The following PPM1L variants were observed in gnomAD, a reference collection of about 807,000 sequenced individuals.
PPM1L encodes protein phosphatase, Mg2+/Mn2+ dependent 1L.
A neutral mutation model predicts 31.4 loss-of-function variants in PPM1L; 13 were observed. The ratio of observed to expected loss-of-function variants is 0.41; its 90% CI spans 0.27 to 0.66. PPM1L has a LOEUF of 0.66. Among genes scored for constraint, PPM1L ranks in the 30% least tolerant of loss-of-function variants. PPM1L has a pLI of 0.29. For synonymous variants in PPM1L, 184 were observed against 175.4 expected, an observed-to-expected ratio of 1.05 and a Z score of -0.39; for missense variants, 326 against 453.7, an observed-to-expected ratio of 0.72 and a Z score of 2.56.
At position 161,068,076 on chromosome 3, in the gene PPM1L, T is replaced by C. The variant is rs769838872; in HGVS notation, c.737-735T>C. ...GTATTTAGTAAATATCTGACAAATA[T>C]GTGGATGAAGAAAAAAATAATAGAT... On this transcript the variant is annotated intron_variant, in intron 3 of 3. Transcript: ENST00000498165. 1.4e-3 allele frequency among the ~76,000 whole-genome samples: 220 copies of C among 152,232 alleles called. 4 individuals are homozygous for C. The highest frequency in any genetic ancestry group is 5.6e-4 in the Non-Finnish European group (38 of 68,038).
intron 1 of PPM1L, among the ~76,000 whole-genome samples, chr3:160,864,446 G>A (rs895448643): frequency 6.6e-6 from 1 of 152,136 alleles, no homozygotes; most frequent in Non-Finnish European, 1.5e-5. Context: ...CCAAATGCTG[G>A]GATTACAGGG....
chr3:160,818,501 A>C (rs1263026293), intron 1 of PPM1L, among the ~76,000 whole-genome samples: 1 of 152,010 alleles, frequency 6.6e-6, no homozygotes, highest in Non-Finnish European at 1.5e-5. Flanking sequence ...TAGCACTTCT[A>C]GTACATCAAA....
intron 2 of PPM1L, among the ~76,000 whole-genome samples, chr3:160,990,176 T>A (rs942152352): frequency 2.6e-5 from 4 of 151,842 alleles, no homozygotes; most frequent in Non-Finnish European, 5.9e-5. Flanking sequence ...TTTTTGTTTG[T>A]TTTTTGTAAA....
intron 1 of PPM1L, among the ~76,000 whole-genome samples, chr3:160,851,613 T>A (rs1711528291): frequency 2.0e-5 from 3 of 152,170 alleles, no homozygotes; most frequent in Non-Finnish European, 4.4e-5. Flanking sequence ...TTATTGAACA[T>A]CTAACATGAA....
intron 1 of PPM1L, among the ~76,000 whole-genome samples, chr3:160,861,223 A>G (rs558538029): frequency 3.3e-5 from 5 of 152,328 alleles, no homozygotes; most frequent in African/African-American, 1.2e-4. Flanking sequence ...AAAGAGTACA[A>G]TGGAAGTTGT....
intron 2 of PPM1L, among the ~76,000 whole-genome samples, chr3:161,017,126 C>T (rs1718109183): frequency 6.6e-6 from 1 of 152,010 alleles, no homozygotes; most frequent in Non-Finnish European, 1.5e-5. Flanking sequence ...AGAGATGATT[C>T]ATAGTCTTCT....
chr3:160,839,497 A>G (rs112427931), intron 1 of PPM1L, among the ~76,000 whole-genome samples: 20 of 152,172 alleles, frequency 1.3e-4, no homozygotes, highest in Non-Finnish European at 2.6e-4. Context: ...CATCATTATT[A>G]TGGATACATC....
chr3:160,776,270 C>G lies in PPM1L; in HGVS notation c.399+19563C>G, dbSNP rs74795662. Among the ~76,000 whole-genome samples the G allele has an allele frequency of 6.0e-3, 916 of 152,192 alleles. 6 individuals carry two copies. Among genetic ancestry groups the G allele is most frequent in the African/African-American group, 0.021 (867 of 41,532 alleles). On this transcript the variant is annotated intron_variant, in intron 1 of 3. Coordinates refer to ENST00000498165, the MANE Select transcript of PPM1L (RefSeq NM_139245.4). ...AGTTCTTAACAAGTAACAGCAACAG[C>G]TACTTCTTAACTCCTTCATCCATGG...
rs574166386 is a variant in PPM1L at position 161,005,002 on chromosome 3, A to G, written c.574+43092A>G. On this transcript the variant is annotated intron_variant, in intron 2 of 3. Transcript: ENST00000498165. Reference sequence around the variant, plus strand: ...TAGTGCTATAAATTTCCCTCTACACACTGCTTTGAATGCGTCCCAGAGATT... The same window carrying G: ...TAGTGCTATAAATTTCCCTCTACACGCTGCTTTGAATGCGTCCCAGAGATT... Among the ~76,000 whole-genome samples the G allele has an allele frequency of 6.6e-5, 10 of 152,182 alleles. No individual in the cohort carries two copies. In the East Asian group the frequency reaches 1.4e-3, roughly 21 times the overall value.
Position 161,073,563 on chromosome 3 carries a change from T to TC in PPM1L, c.*4413dup, listed in dbSNP as rs372205550. 4,353 of 147,772 alleles carry TC rather than the reference T, an allele frequency of 0.029. 206 individuals carry two copies. The highest frequency in any genetic ancestry group is 0.098 in the African/African-American group (3,897 of 39,946). 9.2% of individuals were successfully genotyped at this position (147,772 alleles called of 1,614,324 possible). Reference sequence around the variant, plus strand: ...ATCCTACTTAAAGCTCTAAACATCATCCCCCCCTTTTTTTTTTTAACGGAA... The same window carrying TC: ...ATCCTACTTAAAGCTCTAAACATCATCCCCCCCCTTTTTTTTTTTAACGGAA... On this transcript the variant is annotated 3_prime_UTR_variant, in exon 4 of 4. Transcript: ENST00000498165.
chr3:160,913,587 C>T (rs1714045912), intron 1 of PPM1L, among the ~76,000 whole-genome samples: 1 of 152,172 alleles, frequency 6.6e-6, no homozygotes, highest in Admixed American at 6.5e-5. Context: ...CAGGCAATCA[C>T]TGCCCTCTGT....
chr3:160,982,758 G>C (rs1244120366), intron 2 of PPM1L, among the ~76,000 whole-genome samples: 1 of 152,068 alleles, frequency 6.6e-6, no homozygotes, highest in African/African-American at 2.4e-5. Flanking sequence ...TTCCCTTACT[G>C]TGGTCATCTA....
intron 1 of PPM1L, among the ~76,000 whole-genome samples, chr3:160,801,063 C>T (rs1328978210): frequency 1.3e-5 from 2 of 149,966 alleles, no homozygotes; most frequent in South Asian, 2.1e-4. Context: ...TTTGAGAAAA[C>T]GTAGATATAT....
At chr3:160,801,553 C>G (rs1366066007) in intron 1 of PPM1L, among the ~76,000 whole-genome samples, 1 of 152,272 alleles carries the variant, frequency 6.6e-6, no homozygotes, top group South Asian at 2.1e-4. Context: ...TATGTTTGTT[C>G]CCATGTGCCA....
At chr3:160,996,841 T>C (rs1482033505) in intron 2 of PPM1L, among the ~76,000 whole-genome samples, 1 of 151,972 alleles carries the variant, frequency 6.6e-6, no homozygotes, top group Non-Finnish European at 1.5e-5. Context: ...CAGTGATGAG[T>C]GAACACATCA....
intron 1 of PPM1L, among the ~76,000 whole-genome samples, chr3:160,887,019 A>T (rs190322553): frequency 4.1e-4 from 62 of 152,064 alleles, no homozygotes; most frequent in African/African-American, 1.5e-3. Flanking sequence ...AACATAAATG[A>T]CCTGATGGAG....
chr3:161,015,469 A>C (rs966534924), intron 2 of PPM1L, among the ~76,000 whole-genome samples: 2 of 152,208 alleles, frequency 1.3e-5, no homozygotes, highest in Admixed American at 6.5e-5. Flanking sequence ...TATGCAAACT[A>C]TATCTCTAAA....
At chr3:160,786,157 C>CTGTGTGTG (rs1239014226) in intron 1 of PPM1L, among the ~76,000 whole-genome samples, 29 of 69,158 alleles carry the variant, frequency 4.2e-4, no homozygotes, top group African/African-American at 2.0e-3. Context: ...CTCTCTCTCT[C>CTGTGTGTG]TGTGTGTGTG....
In PPM1L at chr3:161,023,437, A is replaced by C. The variant is rs535987217; in HGVS notation, c.575-41966A>C. On this transcript the variant is annotated intron_variant, in intron 2 of 3. Coordinates refer to ENST00000498165, the MANE Select transcript of PPM1L (RefSeq NM_139245.4). ...AAAATTTTTTAAAATTCTTTTTTCT[A>C]TCTATTTCTCAAATTAGGTAATGTC... Among the ~76,000 whole-genome samples the C allele has an allele frequency of 2.6e-5, 4 of 152,060 alleles. No homozygotes were observed. The South Asian group carries it at 8.3e-4, about 32-fold the overall frequency.
Sources: gnomAD v4.1 joint callset for allele counts (sites outside exome capture counted in the v4.1 genomes callset) on GRCh38, gnomAD v4.1.1 for gene constraint, MANE v1.5 for transcripts, NCBI Gene and HGNC (gene_info 2026-07-23, HGNC 2026-07-21) for gene names.